TRIM2: variants seen among roughly 807,000 people sequenced by gnomAD.
TRIM2 encodes the protein tripartite motif-containing protein 2.
In TRIM2, 20 loss-of-function variants were observed where a neutral mutation model predicts 75.2. That is an observed-to-expected ratio of 0.27 (90% CI 0.19 to 0.39). The LOEUF (loss-of-function observed/expected upper bound fraction) is 0.39, where lower values mean the gene tolerates loss of function less well. Among genes scored for constraint, TRIM2 ranks in the 10% least tolerant of loss-of-function variants. The probability of loss-of-function intolerance (pLI) is 1.00; values close to 1 mark genes in which losing one functional copy is unlikely to be tolerated. For missense variants in TRIM2, 660 were observed against 990.8 expected (o/e 0.67, Z 4.48); for synonymous variants, 373 against 388.3 (o/e 0.96, Z 0.46).
At chr4:153,233,191 C>T (rs1335961353) in intron 1 of TRIM2, among the ~76,000 whole-genome samples, 1 of 152,140 alleles carries the variant, frequency 6.6e-6, no homozygotes, top group East Asian at 1.9e-4. Context: ...AAGTTCTCTA[C>T]TTCCAAAGCC....
intron 1 of TRIM2, among the ~76,000 whole-genome samples, chr4:153,164,626 G>A (rs1037990758): frequency 2.0e-5 from 3 of 152,082 alleles, no homozygotes; most frequent in Non-Finnish European, 2.9e-5. Flanking sequence ...CTTTTGGCAG[G>A]CAACCAGTAT....
At chr4:153,160,429 T>C (rs1028772349) in intron 1 of TRIM2, among the ~76,000 whole-genome samples, 3 of 152,188 alleles carry the variant, frequency 2.0e-5, no homozygotes, top group African/African-American at 7.2e-5. Context: ...CTACTGGGAT[T>C]TTTAGAGTTT....
chr4:153,158,542 C>G (rs1381302101), intron 1 of TRIM2, among the ~76,000 whole-genome samples: 1 of 151,770 alleles, frequency 6.6e-6, no homozygotes, highest in African/African-American at 2.4e-5. Context: ...TGAAAAAAAG[C>G]AAAGGAAGCA....
chr4:153,266,365 A>C (rs1755095888), intron 1 of TRIM2, among the ~76,000 whole-genome samples: 1 of 104,334 alleles, frequency 9.6e-6, no homozygotes. Context: ...TTTTTTTGAG[A>C]CGGAGTCTGA....
intron 1 of TRIM2, among the ~76,000 whole-genome samples, chr4:153,159,889 T>A (rs1470174029): frequency 6.6e-6 from 1 of 152,180 alleles, no homozygotes; most frequent in Non-Finnish European, 1.5e-5. Flanking sequence ...TTTGAAAAAA[T>A]TCAGTACTTG....
intron 11 of TRIM2, 61 bp downstream of exon 11, chr4:153,328,731 T>C: frequency 1.3e-6 from 2 of 1,481,690 alleles, no homozygotes; most frequent in Non-Finnish European, 1.8e-6. Context: ...AGTGAAGAAT[T>C]TGCTGTCCCC....
rs1191695652 is a variant in TRIM2, at chr4:153,218,071, G to A, written c.30+13511G>A. 2.0e-5 allele frequency among the ~76,000 whole-genome samples: 3 copies of A among 152,234 alleles called. No homozygotes were observed. In the East Asian group the frequency reaches 5.8e-4, roughly 29 times the overall value. ...GCATTGCTAATGAGAATGTAAATTG[G>A]TACCACCTTTGTAAAAAGCAGTTGC... On this transcript the variant is annotated intron_variant, in intron 1 of 11. Transcript: ENST00000338700.
At position 153,335,730 on chromosome 4, in the gene TRIM2, A is replaced by T. The variant is rs1042048025; in HGVS notation, c.*764A>T. The T allele has an allele frequency of 1.0e-6, 1 of 985,676 alleles. No homozygotes were observed. Among genetic ancestry groups the T allele is most frequent in the African/African-American group, 1.7e-5 (1 of 57,264 alleles). The allele number at this position is 985,676 out of a possible 1,614,324, so 61.1% of individuals were successfully genotyped here. On this transcript the variant is annotated 3_prime_UTR_variant, in exon 12 of 12. Coordinates refer to ENST00000338700, the MANE Select transcript of TRIM2 (RefSeq NM_015271.5). ...TACAAAAGTAATGCTACCTTTTGGGAAACAAACTGCCCCGTTAACTCCAGA... is the reference window on the plus strand; with the variant it reads ...TACAAAAGTAATGCTACCTTTTGGGTAACAAACTGCCCCGTTAACTCCAGA...
chr4:153,307,708 G>T (rs1765323144), intron 6 of TRIM2: 6 of 560,370 alleles, frequency 1.1e-5, no homozygotes. Context: ...TTCTAGACCT[G>T]TTAGCTGGAA....
rs1560875425 is a variant in TRIM2, at chr4:153,244,414, C to CTTCTTCTTCTTCTTCTTCTTCTTCT, written c.31-25898_31-25897insCTTTCTTCTTCTTCTTCTTCTTCTT. Among the ~76,000 whole-genome samples, 2 of 97,382 alleles carry CTTCTTCTTCTTCTTCTTCTTCTTCT rather than the reference C, an allele frequency of 2.1e-5. 1 individual carries two copies. The highest frequency in any genetic ancestry group is 1.0e-4 in the African/African-American group (2 of 19,078). The allele number at this position is 97,382 out of a possible 152,430, so 63.9% of individuals were successfully genotyped here. Reference sequence around the variant, plus strand: ...TCTTCTTCTTCTTCTTCTTCTTCTTCTTCTTCTTCTTCTTCTTCTTCTTTT... The same window carrying CTTCTTCTTCTTCTTCTTCTTCTTCT: ...TCTTCTTCTTCTTCTTCTTCTTCTTCTTCTTCTTCTTCTTCTTCTTCTTCTTTCTTCTTCTTCTTCTTCTTCTTTT... On this transcript the variant is annotated intron_variant, in intron 1 of 11. Coordinates refer to ENST00000338700, the MANE Select transcript of TRIM2 (RefSeq NM_015271.5).
intron 1 of TRIM2, among the ~76,000 whole-genome samples, chr4:153,207,856 T>G (rs1014137766): frequency 2.0e-5 from 3 of 152,214 alleles, no homozygotes; most frequent in African/African-American, 4.8e-5. Context: ...GTCTATGACT[T>G]TAGATCTGAC....
chr4:153,232,699 A>G (rs1743966516), intron 1 of TRIM2, among the ~76,000 whole-genome samples: 1 of 152,214 alleles, frequency 6.6e-6, no homozygotes, highest in Admixed American at 6.5e-5. Flanking sequence ...TTTCAAAGGA[A>G]GAGTTGAAAA....
chr4:153,282,742 C>G (rs1344168234), intron 3 of TRIM2, among the ~76,000 whole-genome samples: 1 of 150,902 alleles, frequency 6.6e-6, no homozygotes, highest in Non-Finnish European at 1.5e-5. Flanking sequence ...GGCACCGAGC[C>G]TGGCCTGTTT....
intron 1 of TRIM2, among the ~76,000 whole-genome samples, chr4:153,174,299 C>T (rs1216341674): frequency 6.6e-6 from 1 of 151,828 alleles, no homozygotes; most frequent in African/African-American, 2.4e-5. Flanking sequence ...CTGATGCATT[C>T]CATTTGCCAG....
chr4:153,260,710 A>C (rs1579081257), intron 1 of TRIM2, among the ~76,000 whole-genome samples: 9 of 53,116 alleles, frequency 1.7e-4, no homozygotes, highest in Non-Finnish European at 2.3e-4. Flanking sequence ...CCACACACAC[A>C]CACACACACA....
In TRIM2 at chr4:153,293,685, C is replaced by T. The variant is rs1356189308; in HGVS notation, c.605+552C>T. On this transcript the variant is annotated intron_variant, in intron 4 of 11. Transcript: ENST00000338700. Reference sequence around the variant, plus strand: ...AATGAGAAGCCAGCAGAAAAGCAGACAAAATAAATCTCTCCACTGATAGCT... The same window carrying T: ...AATGAGAAGCCAGCAGAAAAGCAGATAAAATAAATCTCTCCACTGATAGCT... Among the ~76,000 whole-genome samples, 3 of 152,278 alleles carry T rather than the reference C, an allele frequency of 2.0e-5. No individual in the cohort carries two copies. In the East Asian group the frequency reaches 5.8e-4, roughly 29 times the overall value.
At chr4:153,291,745 G>GTCATCA (rs139634621) in intron 3 of TRIM2, among the ~76,000 whole-genome samples, 26 of 151,914 alleles carry the variant, frequency 1.7e-4, no homozygotes, top group Non-Finnish European at 3.8e-4. Flanking sequence ...AGCAGATGAT[G>GTCATCA]TCATCATCAT....
intron 2 of TRIM2, among the ~76,000 whole-genome samples, chr4:153,275,672 A>G (rs991124327): frequency 3.3e-5 from 5 of 152,236 alleles, no homozygotes; most frequent in African/African-American, 4.8e-5. Context: ...AAACACTACA[A>G]AAGTCAATGA....
intron 1 of TRIM2, chr4:153,265,872 T>A (rs1482818799): frequency 6.6e-6 from 1 of 152,228 alleles, no homozygotes; most frequent in African/African-American, 2.4e-5. Flanking sequence ...CTGATTTTAC[T>A]GAATGACCTT....
Sources: allele counts gnomAD v4.1 joint callset (sites outside exome capture counted in the v4.1 genomes callset), GRCh38; gene constraint gnomAD v4.1.1; transcripts MANE v1.5; gene names NCBI Gene and HGNC (gene_info 2026-07-23, HGNC 2026-07-21).